KHDRBS2: variants seen among roughly 807,000 people sequenced by gnomAD.
The protein encoded by KHDRBS2 is KH domain-containing, RNA-binding, signal transduction-associated protein 2.
A neutral mutation model predicts 44.3 loss-of-function variants in KHDRBS2; 26 were observed. That is an observed-to-expected ratio of 0.59 (90% CI 0.43 to 0.81). KHDRBS2 has a LOEUF of 0.81. KHDRBS2 is among the 40% of genes least tolerant of loss of function. The pLI, the probability that KHDRBS2 is intolerant of heterozygous loss-of-function variation, is 0.00. For synonymous variants in KHDRBS2, 194 were observed against 151.1 expected (o/e 1.28, Z -2.08); for missense variants, 476 against 433.1 (o/e 1.10, Z -0.88).
At chr6:61,701,848 A>G (rs552659575) in intron 7 of KHDRBS2, among the ~76,000 whole-genome samples, 106 of 151,938 alleles carry the variant, frequency 7.0e-4, no homozygotes, top group African/African-American at 2.4e-3. Context: ...CCCTTTGACC[A>G]TTTTACATTG....
intron 6 of KHDRBS2, among the ~76,000 whole-genome samples, chr6:61,863,623 T>C (rs1797344955): frequency 6.6e-6 from 1 of 152,184 alleles, no homozygotes. Context: ...GAGCTATAAT[T>C]TGATTGTACT....
At chr6:62,151,894 C>A (rs1815277430) in intron 2 of KHDRBS2, among the ~76,000 whole-genome samples, 1 of 152,144 alleles carries the variant, frequency 6.6e-6, no homozygotes, top group Non-Finnish European at 1.5e-5. Context: ...GTTTATAGCA[C>A]AGTTAATATA....
At chr6:61,803,143 CT>C (rs1173240592) in intron 6 of KHDRBS2, among the ~76,000 whole-genome samples, 1 of 152,182 alleles carries the variant, frequency 6.6e-6, no homozygotes, top group African/African-American at 2.4e-5. Context: ...CTTCCTCCTA[CT>C]CCTCATAATC....
At chr6:62,015,158 T>C (rs746761624) in intron 3 of KHDRBS2, among the ~76,000 whole-genome samples, 43 of 152,300 alleles carry the variant, frequency 2.8e-4, no homozygotes, top group Non-Finnish European at 4.7e-4. Flanking sequence ...ATCATCATTA[T>C]ATCACTGGTT....
intron 6 of KHDRBS2, among the ~76,000 whole-genome samples, chr6:61,791,951 T>G (rs1318088615): frequency 6.6e-6 from 1 of 151,542 alleles, no homozygotes; most frequent in Non-Finnish European, 1.5e-5. Context: ...ATCTTGTTTT[T>G]TTGATTTGTC....
intron 4 of KHDRBS2, among the ~76,000 whole-genome samples, chr6:61,912,788 A>G (rs1321900497): frequency 1.3e-5 from 2 of 152,150 alleles, no homozygotes; most frequent in Non-Finnish European, 2.9e-5. Context: ...ACTCAATCCT[A>G]TTCTGTATGT....
intron 1 of KHDRBS2, among the ~76,000 whole-genome samples, chr6:62,224,815 T>C (rs150636823): frequency 1.3e-5 from 2 of 152,322 alleles, no homozygotes; most frequent in East Asian, 3.9e-4. Context: ...ATCTGAGTCA[T>C]ACTACCATAG....
chr6:61,717,950 C>T (rs1055601577), intron 7 of KHDRBS2, among the ~76,000 whole-genome samples: 16 of 151,846 alleles, frequency 1.1e-4, no homozygotes, highest in Admixed American at 3.3e-4. Context: ...TGTCTAACAC[C>T]GTGGAGTTGG....
intron 2 of KHDRBS2, among the ~76,000 whole-genome samples, chr6:62,168,397 C>T (rs1319456804): frequency 1.3e-5 from 2 of 152,040 alleles, no homozygotes; most frequent in African/African-American, 4.8e-5. Context: ...GGCTGAATTG[C>T]CTAGGTGAAC....
chr6:61,618,819 G>A, the KHDRBS2 span, among the ~76,000 whole-genome samples: 89,868 of 152,008 alleles, frequency 0.59, 26,784 homozygotes, highest in African/African-American at 0.61. Context: ...TTCAGTTGGA[G>A]CTCTTTTACA....
At chr6:61,759,706 T>C (rs16899439) in intron 6 of KHDRBS2, among the ~76,000 whole-genome samples, 25,193 of 152,184 alleles carry the variant, frequency 0.17, 2,550 homozygotes, top group East Asian at 0.29. Context: ...TCATTTCCCT[T>C]GTTAGCACGA....
At chr6:62,162,310 T>A (rs1284791323) in intron 2 of KHDRBS2, among the ~76,000 whole-genome samples, 1 of 152,062 alleles carries the variant, frequency 6.6e-6, no homozygotes, top group Non-Finnish European at 1.5e-5. Context: ...TGTGTGGGAA[T>A]GTGTCAATGT....
At chr6:61,978,807 G>T (rs1026827275) in intron 3 of KHDRBS2, among the ~76,000 whole-genome samples, 1 of 151,946 alleles carries the variant, frequency 6.6e-6, no homozygotes, top group East Asian at 1.9e-4. Context: ...GTCAACAGGG[G>T]AATATTAAAG....
chr6:61,926,178 A>T (rs1223193560), intron 4 of KHDRBS2, among the ~76,000 whole-genome samples: 1 of 152,226 alleles, frequency 6.6e-6, no homozygotes, highest in Non-Finnish European at 1.5e-5. Flanking sequence ...GTGACAGAAA[A>T]GAGGCAAATC....
chr6:61,609,315 G>A, the KHDRBS2 span, among the ~76,000 whole-genome samples: 7 of 152,118 alleles, frequency 4.6e-5, no homozygotes, highest in South Asian at 2.1e-4. Flanking sequence ...CCGAGATTGC[G>A]CCACTGCACT....
intron 6 of KHDRBS2, among the ~76,000 whole-genome samples, chr6:61,800,613 T>C (rs920520286): frequency 2.0e-5 from 3 of 152,144 alleles, no homozygotes; most frequent in Non-Finnish European, 4.4e-5. Flanking sequence ...CTCTGGACTT[T>C]TTTCAACTTA....
At chr6:61,908,628 C>A in intron 4 of KHDRBS2, among the ~76,000 whole-genome samples, 1 of 76,816 alleles carries the variant, frequency 1.3e-5, no homozygotes, top group African/African-American at 6.0e-5. Context: ...AGTGAGATTC[C>A]GTCTCAAAAA....
At chr6:61,869,980 T>TTTTG (rs1339044260) in intron 6 of KHDRBS2, among the ~76,000 whole-genome samples, 1 of 103,960 alleles carries the variant, frequency 9.6e-6, no homozygotes, top group African/African-American at 4.2e-5. Context: ...TTTTTTTTTT[T>TTTTG]TTTTTTTCCC....
chr6:61,599,461 G>A, the KHDRBS2 span, among the ~76,000 whole-genome samples: 1 of 151,740 alleles, frequency 6.6e-6, no homozygotes, highest in African/African-American at 2.4e-5. Context: ...AGAAGATGTA[G>A]CCCCCCCAAA....
Sources: gnomAD v4.1 joint callset for allele counts (sites outside exome capture counted in the v4.1 genomes callset) on GRCh38, gnomAD v4.1.1 for gene constraint, MANE v1.5 for transcripts, NCBI Gene and HGNC (gene_info 2026-07-23, HGNC 2026-07-21) for gene names.